The following FBXL4 variants were observed in gnomAD, a reference collection of about 807,000 sequenced individuals.
FBXL4 encodes the protein F-box/LRR-repeat protein 4.
In FBXL4, 40 loss-of-function variants were observed where a neutral mutation model predicts 58.9. That is an observed-to-expected ratio of 0.68 (90% CI 0.53 to 0.88). FBXL4 has a LOEUF of 0.88. Among genes scored for constraint, FBXL4 ranks in the 40% least tolerant of loss-of-function variants. The pLI, the probability that FBXL4 is intolerant of heterozygous loss-of-function variation, is 0.00. For missense variants in FBXL4, 676 were observed against 734.4 expected, an observed-to-expected ratio of 0.92 and a Z score of 0.92; for synonymous variants, 263 against 265.5, an observed-to-expected ratio of 0.99 and a Z score of 0.09.
intron 1 of FBXL4, among the ~76,000 whole-genome samples, chr6:98,944,642 A>G (rs1261962901): frequency 6.6e-6 from 1 of 152,144 alleles, no homozygotes; most frequent in Admixed American, 6.5e-5. Context: ...TTTATATAGC[A>G]AATAGCCTTG....
intron 7 of FBXL4, among the ~76,000 whole-genome samples, chr6:98,887,330 T>C (rs1033074116): frequency 6.6e-6 from 1 of 152,220 alleles, no homozygotes; most frequent in Non-Finnish European, 1.5e-5. Context: ...AAGAATACTA[T>C]ATTAACCTGT....
chr6:98,918,204 T>C (rs1402430272), intron 4 of FBXL4, among the ~76,000 whole-genome samples: 1 of 152,160 alleles, frequency 6.6e-6, no homozygotes, highest in Non-Finnish European at 1.5e-5. Context: ...TTTTATCAAA[T>C]CATTGTTTCA....
chr6:98,942,504 G>T (rs1773469486), intron 1 of FBXL4, among the ~76,000 whole-genome samples: 1 of 151,978 alleles, frequency 6.6e-6, no homozygotes, highest in South Asian at 2.1e-4. Flanking sequence ...GTTCTGAAGA[G>T]ATCTTTTTGT....
At chr6:98,907,865 G>C (rs1771872989) in intron 5 of FBXL4, among the ~76,000 whole-genome samples, 1 of 152,092 alleles carries the variant, frequency 6.6e-6, no homozygotes, top group Non-Finnish European at 1.5e-5. Context: ...AGTTTAAAGA[G>C]GGTGTAGCCA....
intron 4 of FBXL4, among the ~76,000 whole-genome samples, chr6:98,923,468 T>C (rs1772660634): frequency 6.6e-6 from 1 of 152,180 alleles, no homozygotes; most frequent in South Asian, 2.1e-4. Flanking sequence ...TTCTTGGACT[T>C]TTCTCACTTC....
At chr6:98,944,664 G>A (rs1371209681) in intron 1 of FBXL4, among the ~76,000 whole-genome samples, 1 of 152,104 alleles carries the variant, frequency 6.6e-6, no homozygotes, top group East Asian at 1.9e-4. Flanking sequence ...CAGATAAAGA[G>A]ATGTCTCCCT....
At chr6:98,914,182 C>G (rs1159346112) in intron 5 of FBXL4, among the ~76,000 whole-genome samples, 1 of 152,118 alleles carries the variant, frequency 6.6e-6, no homozygotes, top group African/African-American at 2.4e-5. Context: ...CAACAGCTTA[C>G]CAACCAAAAA....
chr6:98,943,554 T>A (rs1331145029), intron 1 of FBXL4, among the ~76,000 whole-genome samples: 1 of 118,670 alleles, frequency 8.4e-6, no homozygotes, highest in Non-Finnish European at 1.6e-5. Flanking sequence ...CACTCCAGCA[T>A]GGGTGACAGA....
chr6:98,908,924 C>T (rs1771924112), intron 5 of FBXL4, among the ~76,000 whole-genome samples: 2 of 152,244 alleles, frequency 1.3e-5, no homozygotes, highest in Non-Finnish European at 2.9e-5. Context: ...GATTGTTTGA[C>T]TGCAAATGAG....
Position 98,872,766 on chromosome 6 carries a change from T to C in FBXL4, c.*1512A>G, listed in dbSNP as rs1369706665. 6.6e-6 allele frequency: 1 copy of C among 152,200 alleles called. No individual in the cohort carries two copies. The highest frequency in any genetic ancestry group is 2.4e-5 in the African/African-American group (1 of 41,446). The allele number at this position is 152,200 out of a possible 1,614,324, so 9.4% of individuals were successfully genotyped here. A position where few individuals can be genotyped will look rare whatever the true frequency, so the allele number is the denominator to read the frequency against. On this transcript the variant is annotated 3_prime_UTR_variant, in exon 10 of 10. Transcript: ENST00000369244. ...ACCTAAAAGCACAGGTTTAATGCAA[T>C]GCTTCAGAAGCCAGATGGCCTGGGT... is the stretch of plus-strand genomic sequence containing the variant.
intron 1 of FBXL4, among the ~76,000 whole-genome samples, chr6:98,939,771 G>A (rs1171305291): frequency 1.3e-5 from 2 of 152,226 alleles, no homozygotes; most frequent in African/African-American, 4.8e-5. Context: ...GTTATTCAAA[G>A]TTTATGGTAT....
intron 6 of FBXL4, among the ~76,000 whole-genome samples, chr6:98,904,684 C>T (rs57139923): frequency 6.6e-6 from 1 of 152,104 alleles, no homozygotes. Flanking sequence ...TCTAAAGTTT[C>T]TACTTCTTCA....
rs778318524 is a variant in FBXL4 at position 98,905,520 on chromosome 6, G to A, written c.1009C>T (p.Leu337=). ...GTGCAGCGAGACTGTAGAAATTCCAGAGAAGTGTCATCTAGTTTTGCCCAG... is the reference window on the plus strand; with the variant it reads ...GTGCAGCGAGACTGTAGAAATTCCAAAGAAGTGTCATCTAGTTTTGCCCAG... ...PYWAKLDDTS[L]EFLQSRCTLV... is the part of the protein sequence containing the mutation. The change falls in exon 6 of 10, where the codon CTG becomes TTG. Residue 337 remains leucine (L), a synonymous_variant. Coordinates refer to ENST00000369244, the MANE Select transcript of FBXL4 (RefSeq NM_001278716.2). 3.1e-6 allele frequency: 5 copies of A among 1,613,930 alleles called. No individual in the cohort carries two copies. The highest frequency in any genetic ancestry group is 1.1e-5 in the South Asian group (1 of 91,082).
chr6:98,898,154 G>T, intron 7 of FBXL4: 1 of 266,298 alleles, frequency 3.8e-6, no homozygotes, highest in Non-Finnish European at 5.8e-6. Flanking sequence ...TATGCAAGTT[G>T]AACACTGAGC....
At chr6:98,935,864 G>C (rs1289039742) in intron 1 of FBXL4, among the ~76,000 whole-genome samples, 1 of 150,708 alleles carries the variant, frequency 6.6e-6, no homozygotes. Context: ...TAAATCTTTA[G>C]CAGATATGCA....
At chr6:98,931,987 C>T (rs891098408) in intron 2 of FBXL4, among the ~76,000 whole-genome samples, 4 of 152,150 alleles carry the variant, frequency 2.6e-5, no homozygotes, top group African/African-American at 9.7e-5. Context: ...GTAAAAGATA[C>T]AATAACTCTA....
At chr6:98,924,303 T>C (rs1772690721) in intron 4 of FBXL4, among the ~76,000 whole-genome samples, 1 of 152,190 alleles carries the variant, frequency 6.6e-6, no homozygotes, top group East Asian at 1.9e-4. Context: ...CCATCTGTAA[T>C]TCCAGCACTT....
At chr6:98,922,408 T>C (rs1313636231) in intron 4 of FBXL4, among the ~76,000 whole-genome samples, 5 of 152,186 alleles carry the variant, frequency 3.3e-5, no homozygotes, top group South Asian at 2.1e-4. Flanking sequence ...TCCTGCAAAT[T>C]CCTGAGCTAC....
chr6:98,886,212 CAG>C (rs1169960839), intron 7 of FBXL4, among the ~76,000 whole-genome samples: 2 of 152,084 alleles, frequency 1.3e-5, no homozygotes, highest in Non-Finnish European at 2.9e-5. Context: ...AGATAAATAA[CAG>C]AGTCACTAGT....
Sources: allele counts gnomAD v4.1 joint callset (sites outside exome capture counted in the v4.1 genomes callset), GRCh38; gene constraint gnomAD v4.1.1; transcripts MANE v1.5; gene names NCBI Gene and HGNC (gene_info 2026-07-23, HGNC 2026-07-21).